Variants in SLC41A2 observed in about 807,000 individuals in gnomAD.
SLC41A2 encodes the protein solute carrier family 41 member 2.
Under a neutral mutation model 58.3 loss-of-function variants are expected in SLC41A2, and 32 were observed. The ratio of observed to expected loss-of-function variants is 0.55; its 90% CI spans 0.41 to 0.74. The LOEUF is 0.74. Among genes scored for constraint, SLC41A2 ranks in the 30% least tolerant of loss-of-function variants. The pLI, the probability that SLC41A2 is intolerant of heterozygous loss-of-function variation, is 0.00. For synonymous variants in SLC41A2, 190 were observed against 235.0 expected (o/e 0.81, Z 1.75); for missense variants, 514 against 680.6 (o/e 0.76, Z 2.72).
intron 1 of SLC41A2, among the ~76,000 whole-genome samples, chr12:104,957,828 C>T (rs2048226233): frequency 6.6e-6 from 1 of 152,154 alleles, no homozygotes; most frequent in African/African-American, 2.4e-5. Context: ...CGCCCGGGAC[C>T]GCTTGTCCGC....
intron 10 of SLC41A2, among the ~76,000 whole-genome samples, chr12:104,812,876 A>AT (rs2041235628): frequency 6.6e-6 from 1 of 152,164 alleles, no homozygotes; most frequent in South Asian, 2.1e-4. Context: ...AAAAAAAAAA[A>AT]TTAAGAAATT....
chr12:104,950,462 G>C (rs980405963), intron 1 of SLC41A2, among the ~76,000 whole-genome samples: 1 of 152,150 alleles, frequency 6.6e-6, no homozygotes, highest in Non-Finnish European at 1.5e-5. Context: ...GTTTCCTGAG[G>C]CCTCCCCATG....
rs1032684970 is a variant in SLC41A2 at position 104,889,048 on chromosome 12, C to A, written c.865G>T (p.Ala289Ser). The A allele has an allele frequency of 1.3e-6, 2 of 1,590,444 alleles. No homozygotes were observed. The highest frequency in any genetic ancestry group is 1.9e-5 in the Admixed American group (1 of 51,932). ...CSSSVATAFI[A>S]SLLQGIIMVG... is the part of the protein sequence containing the mutation. ...ATTCACTTACCCTGCAGAAGAGATG[C>A]AATGAAGGCAGTTGCCACACTGCTA... is the stretch of plus-strand genomic sequence containing the variant. The change falls in exon 5 of 11, where the codon GCA becomes TCA. Residue 289 changes from alanine to serine, a missense_variant. Ala to Ser is a moderately conservative substitution (Grantham distance 99, BLOSUM62 1). Transcript: ENST00000258538.
At chr12:104,923,784 C>G (rs2046714764) in intron 2 of SLC41A2, among the ~76,000 whole-genome samples, 1 of 152,082 alleles carries the variant, frequency 6.6e-6, no homozygotes, top group East Asian at 1.9e-4. Context: ...CTCAAGAAAC[C>G]AGTAACCAAA....
intron 8 of SLC41A2, among the ~76,000 whole-genome samples, chr12:104,852,805 C>T (rs2042850508): frequency 6.6e-6 from 1 of 152,032 alleles, no homozygotes; most frequent in African/African-American, 2.4e-5. Flanking sequence ...TATTTTTAAA[C>T]TATAACAAAA....
At chr12:104,861,393 A>G in intron 7 of SLC41A2, 23 bp from the exon 8 acceptor site, 3 of 1,557,176 alleles carry the variant, frequency 1.9e-6, no homozygotes, top group South Asian at 1.1e-5. Context: ...AAATTATATA[A>G]TTTAGAGAAG....
At chr12:104,892,301 A>AAAAAAT (rs1555209784) in intron 4 of SLC41A2, among the ~76,000 whole-genome samples, 3 of 140,682 alleles carry the variant, frequency 2.1e-5, no homozygotes, top group Admixed American at 6.9e-5. Context: ...ATCTCAAAAA[A>AAAAAAT]AAAATAAAAT....
chr12:104,948,296 T>C (rs2047808653), intron 1 of SLC41A2, among the ~76,000 whole-genome samples: 1 of 152,130 alleles, frequency 6.6e-6, no homozygotes. Flanking sequence ...TCATTTATAC[T>C]TACCAGGAAT....
intron 1 of SLC41A2, among the ~76,000 whole-genome samples, chr12:104,955,499 C>G (rs575129512): frequency 5.8e-4 from 88 of 152,270 alleles, no homozygotes; most frequent in African/African-American, 2.1e-3. Context: ...CTTTTCTGTC[C>G]ACTGACCATG....
rs766913209 is a variant in SLC41A2 at position 104,866,455 on chromosome 12, G to A, written c.1152C>T (p.Val384=). The part of the protein sequence containing the change: ...RTVLHSGWEP[V]ITAMVISSIG... ...ACCTACTTATAACCATAGCTGTTAT[G>A]ACAGGCTCCCAGCCTGAGTGGAGAA... Residue 384 remains valine (V), a synonymous_variant, in exon 7 of 11, where the codon GTC becomes GTT. Coordinates refer to ENST00000258538, the MANE Select transcript of SLC41A2 (RefSeq NM_001352171.3). 2 of 1,611,888 alleles carry A rather than the reference G, an allele frequency of 1.2e-6. No homozygotes were observed. Among genetic ancestry groups the A allele is most frequent in the Non-Finnish European group, 1.7e-6 (2 of 1,179,286 alleles).
chr12:104,888,017 C>T (rs112309159), intron 5 of SLC41A2, among the ~76,000 whole-genome samples: 12 of 151,990 alleles, frequency 7.9e-5, no homozygotes, highest in African/African-American at 2.9e-4. Context: ...TTTTAAATGA[C>T]ACTTTCTAAA....
chr12:104,806,674 C>T (rs1006421924), intron 10 of SLC41A2, among the ~76,000 whole-genome samples: 1 of 151,776 alleles, frequency 6.6e-6, no homozygotes, highest in African/African-American at 2.4e-5. Flanking sequence ...AGTTTACAGT[C>T]CCACCAACAG....
intron 10 of SLC41A2, among the ~76,000 whole-genome samples, chr12:104,824,077 T>TGAAGG: frequency 6.6e-6 from 1 of 152,088 alleles, no homozygotes; most frequent in South Asian, 2.1e-4. Flanking sequence ...AGGGAAGTGC[T>TGAAGG]GAAGGGAAGG....
rs142637794 is a variant in SLC41A2, at chr12:104,888,598, G to A, written c.880+435C>T. Among the ~76,000 whole-genome samples, 1,142 of 152,080 alleles carry A rather than the reference G, an allele frequency of 7.5e-3. 6 individuals are homozygous for A. Among genetic ancestry groups the A allele is most frequent in the Non-Finnish European group, 0.013 (916 of 67,938 alleles). On this transcript the variant is annotated intron_variant, in intron 5 of 10. Transcript: ENST00000258538. ...TATATTTGTATTGCCACAGAAACAG[G>A]GAAGAAATTTTTCTTGAAATCTGAA...
At chr12:104,847,132 T>G (rs1440944739) in intron 8 of SLC41A2, among the ~76,000 whole-genome samples, 1 of 151,112 alleles carries the variant, frequency 6.6e-6, no homozygotes, top group Non-Finnish European at 1.5e-5. Flanking sequence ...GGAAAAGATA[T>G]ACAAATATAT....
intron 2 of SLC41A2, among the ~76,000 whole-genome samples, chr12:104,913,546 G>A (rs1037717201): frequency 3.3e-5 from 5 of 152,106 alleles, no homozygotes; most frequent in South Asian, 2.1e-4. Context: ...GCACATGCAC[G>A]TTTCTCTTTT....
intron 10 of SLC41A2, among the ~76,000 whole-genome samples, chr12:104,806,399 C>A (rs1278031450): frequency 6.6e-5 from 10 of 152,074 alleles, no homozygotes; most frequent in South Asian, 2.1e-4. Flanking sequence ...TGAACTCATC[C>A]TTTTTTATGG....
At chr12:104,827,707 G>A (rs903814884) in intron 10 of SLC41A2, among the ~76,000 whole-genome samples, 2 of 152,072 alleles carry the variant, frequency 1.3e-5, no homozygotes, top group Non-Finnish European at 2.9e-5. Flanking sequence ...AGCCTTGGAC[G>A]ATGGCTCCCC....
intron 8 of SLC41A2, among the ~76,000 whole-genome samples, chr12:104,854,590 C>A (rs1257606544): frequency 6.6e-6 from 1 of 151,322 alleles, no homozygotes; most frequent in Non-Finnish European, 1.5e-5. Context: ...AAAACACCGC[C>A]TTAGATCAGA....
Sources: allele counts gnomAD v4.1 joint callset (sites outside exome capture counted in the v4.1 genomes callset), GRCh38; gene constraint gnomAD v4.1.1; transcripts MANE v1.5; gene names NCBI Gene and HGNC (gene_info 2026-07-23, HGNC 2026-07-21).